Variants in PTPN13 observed in about 807,000 individuals in gnomAD.
The protein encoded by PTPN13 is tyrosine-protein phosphatase non-receptor type 13.
A neutral mutation model predicts 284.0 loss-of-function variants in PTPN13; 191 were observed. The observed-to-expected ratio is 0.67, with a 90% CI of 0.60 to 0.76. PTPN13 has a LOEUF of 0.76. Ranked by LOEUF, PTPN13 falls within the 30% of genes least tolerant of loss-of-function variation. The pLI, the probability that PTPN13 is intolerant of heterozygous loss-of-function variation, is 0.00. For synonymous variants in PTPN13, 986 were observed against 1,022.3 expected (o/e 0.96, Z 0.68); for missense variants, 2,797 against 2,939.9 (o/e 0.95, Z 1.12).
chr4:86,764,636 A>T lies in PTPN13; in HGVS notation c.4061A>T (p.Lys1354Ile). 1 of 1,575,076 alleles carries T rather than the reference A, an allele frequency of 6.3e-7. No individual in the cohort carries two copies. Among genetic ancestry groups the T allele is most frequent in the East Asian group, 2.3e-5 (1 of 43,466 alleles). ...SVNTSNKMNF[K>I]TFSSSPPKPG... ...AATACATCCAACAAGATGAATTTTA[A>T]AACTTTTTCTTCATCACCTCCTAAG... Residue 1354 changes from lysine to isoleucine, a missense_variant, in exon 25 of 48, where the codon AAA (lysine) becomes ATA (isoleucine). Lys to Ile is a moderately radical substitution (Grantham distance 102, BLOSUM62 -3). Transcript: ENST00000411767.
rs1739067162 is a variant in PTPN13 at position 86,764,573 on chromosome 4, G to C, written c.4018-20G>C. On this transcript the variant is annotated intron_variant, in intron 24 of 47. Transcript: ENST00000411767. ...ATTTTGACTCTAACAAGAAATCTTT[G>C]TTTGTTTTTCTTTGTTAAGGAATCT... The C allele has an allele frequency of 7.2e-7, 1 of 1,395,204 alleles. No individual in the cohort carries two copies. Among genetic ancestry groups the C allele is most frequent in the Non-Finnish European group, 9.4e-7 (1 of 1,064,950 alleles). The allele number at this position is 1,395,204 out of a possible 1,614,324, so 86.4% of individuals were successfully genotyped here. A position where few individuals can be genotyped will look rare whatever the true frequency, so the allele number is the denominator to read the frequency against.
intron 2 of PTPN13, among the ~76,000 whole-genome samples, chr4:86,650,293 A>G (rs1724939465): frequency 6.6e-6 from 1 of 151,600 alleles, no homozygotes; most frequent in African/African-American, 2.4e-5. Context: ...GGCCTTCATC[A>G]CTGTTTTATA....
At chr4:86,599,766 A>G (rs111504200) in intron 1 of PTPN13, among the ~76,000 whole-genome samples, 1 of 152,096 alleles carries the variant, frequency 6.6e-6, no homozygotes, top group Non-Finnish European at 1.5e-5. Context: ...TTTTTTATAC[A>G]TTTCCTCTTT....
chr4:86,758,476 T>C (rs1578591799), intron 21 of PTPN13, 127 bp downstream of exon 21: 1 of 932,064 alleles, frequency 1.1e-6, no homozygotes, highest in South Asian at 1.6e-5. Flanking sequence ...GCTGCCCACC[T>C]ACAAGCCCAT....
chr4:86,808,033 A>AGG, intron 45 of PTPN13, 136 bp downstream of exon 45: 3 of 742,572 alleles, frequency 4.0e-6, no homozygotes, highest in Non-Finnish European at 4.3e-6. Context: ...CAATGGAACT[A>AGG]ATGCTAGCTA....
At chr4:86,661,129 C>T (rs1166840578) in intron 2 of PTPN13, 2 of 453,112 alleles carry the variant, frequency 4.4e-6, no homozygotes, top group African/African-American at 2.0e-5. Flanking sequence ...AGAAGTCTCC[C>T]TCATGTTCCC....
chr4:86,692,089 C>T (rs1730090148), intron 5 of PTPN13, among the ~76,000 whole-genome samples: 1 of 152,038 alleles, frequency 6.6e-6, no homozygotes, highest in South Asian at 2.1e-4. Context: ...GCTATTTCTC[C>T]CTTTATTTAT....
chr4:86,626,581 C>T (rs1161172897), intron 1 of PTPN13, among the ~76,000 whole-genome samples: 1 of 151,964 alleles, frequency 6.6e-6, no homozygotes. Flanking sequence ...GGGAGATGAA[C>T]CCTTAATCTT....
At chr4:86,629,937 C>G (rs990240953) in intron 1 of PTPN13, among the ~76,000 whole-genome samples, 1 of 151,872 alleles carries the variant, frequency 6.6e-6, no homozygotes, top group Non-Finnish European at 1.5e-5. Context: ...TTTTAAAAAG[C>G]ATTATTATAT....
intron 1 of PTPN13, among the ~76,000 whole-genome samples, chr4:86,609,142 A>G (rs777389869): frequency 5.3e-5 from 8 of 152,196 alleles, no homozygotes; most frequent in South Asian, 4.1e-4. Context: ...TGAAATCACT[A>G]TTAATCCTTT....
intron 37 of PTPN13, among the ~76,000 whole-genome samples, chr4:86,783,553 A>C (rs1206295824): frequency 2.0e-5 from 3 of 150,400 alleles, no homozygotes; most frequent in Non-Finnish European, 4.5e-5. Context: ...AGTCTCCCAA[A>C]CAATACTGTG....
intron 1 of PTPN13, among the ~76,000 whole-genome samples, chr4:86,618,374 T>A (rs1464810994): frequency 1.7e-4 from 26 of 152,152 alleles, no homozygotes; most frequent in Non-Finnish European, 2.8e-4. Flanking sequence ...GCCTCCAGCT[T>A]TGTTCTTTTG....
chr4:86,596,842 T>A (rs1381589037), intron 1 of PTPN13, among the ~76,000 whole-genome samples: 1 of 152,204 alleles, frequency 6.6e-6, no homozygotes, highest in Non-Finnish European at 1.5e-5. Context: ...AGGGTGTAAT[T>A]TTTAAATAAA....
At chr4:86,746,053 T>C (rs3775236) in intron 17 of PTPN13, among the ~76,000 whole-genome samples, 44,000 of 151,922 alleles carry the variant, frequency 0.29, 6,451 homozygotes, top group Admixed American at 0.31. Context: ...GCAGATTTAC[T>C]ACCTATTAGT....
At position 86,758,974 on chromosome 4, in the gene PTPN13, C is replaced by A; in HGVS notation, c.3454C>A (p.Leu1152Met). Reference sequence around the variant, plus strand: ...TTTGATATCTGTGAATAGTGTGAGTCTGGAGGGAGTCAGCCACCATGCTGC... The same window carrying A: ...TTTGATATCTGTGAATAGTGTGAGTATGGAGGGAGTCAGCCACCATGCTGC... The part of the protein sequence containing the change: ...DRLISVNSVS[L>M]EGVSHHAAIE... The change falls in exon 23 of 48, where the codon CTG (leucine) becomes ATG (methionine). Residue 1152 changes from leucine to methionine, a missense_variant. Physicochemically the swap from Leu to Met is conservative, Grantham distance 15. Coordinates refer to ENST00000411767, the MANE Select transcript of PTPN13 (RefSeq NM_080683.3). The A allele has an allele frequency of 6.2e-7, 1 of 1,613,722 alleles. No individual in the cohort carries two copies. The highest frequency in any genetic ancestry group is 8.5e-7 in the Non-Finnish European group (1 of 1,179,726).
chr4:86,660,545 C>A (rs1726365147), intron 2 of PTPN13, among the ~76,000 whole-genome samples: 1 of 151,982 alleles, frequency 6.6e-6, no homozygotes, highest in African/African-American at 2.4e-5. Context: ...TTATCTATAG[C>A]CATAATTTTG....
rs533412983 is a variant in PTPN13, at chr4:86,746,600, A to G, written c.2650+1472A>G. On this transcript the variant is annotated intron_variant, in intron 17 of 47. Transcript: ENST00000411767. ...TGGGAATTTGTTCCCTAAAATCTGT[A>G]CTTTAACAGGCTTTCCTCAGTAATG... is the stretch of plus-strand genomic sequence containing the variant. Among the ~76,000 whole-genome samples, 4 of 152,226 alleles carry G rather than the reference A, an allele frequency of 2.6e-5. No individual in the cohort carries two copies. The South Asian group carries it at 8.3e-4, about 32-fold the overall frequency.
intron 5 of PTPN13, among the ~76,000 whole-genome samples, chr4:86,691,665 T>C (rs1338249219): frequency 6.6e-6 from 1 of 152,206 alleles, no homozygotes; most frequent in Non-Finnish European, 1.5e-5. Context: ...ATCCTCATTT[T>C]AGAGGGCATA....
At chr4:86,689,600 C>A (rs978108779) in intron 5 of PTPN13, 1 of 700,402 alleles carries the variant, frequency 1.4e-6, no homozygotes, top group South Asian at 1.5e-5. Flanking sequence ...CGTGACCACT[C>A]ATTTGTCTGG....
Sources: allele counts gnomAD v4.1 joint callset (sites outside exome capture counted in the v4.1 genomes callset), GRCh38; gene constraint gnomAD v4.1.1; transcripts MANE v1.5; gene names NCBI Gene and HGNC (gene_info 2026-07-23, HGNC 2026-07-21).